Variants in GPHN observed in about 807,000 individuals in gnomAD.
GPHN encodes gephyrin.
GPHN carries 17 observed loss-of-function variants against 95.5 expected under a neutral mutation model. The observed-to-expected ratio is 0.18, with a 90% CI of 0.12 to 0.27. GPHN has a LOEUF of 0.27. GPHN is among the 10% of genes least tolerant of loss of function. The pLI, the probability that GPHN is intolerant of heterozygous loss-of-function variation, is 1.00. For synonymous variants in GPHN, 320 were observed against 322.5 expected (o/e 0.99, Z 0.08); for missense variants, 660 against 978.1 (o/e 0.67, Z 4.34).
intron 18 of GPHN, 60 bp downstream of exon 18, chr14:67,143,509 T>C (rs2080627343): frequency 1.7e-5 from 18 of 1,051,486 alleles, no homozygotes; most frequent in Non-Finnish European, 2.4e-5. Context: ...TATGGTCGAT[T>C]AACTGTGGTC....
the GPHN span, among the ~76,000 whole-genome samples, chr14:67,460,474 G>C: frequency 6.6e-6 from 1 of 152,162 alleles, no homozygotes; most frequent in African/African-American, 2.4e-5. Flanking sequence ...GGAGACCGAG[G>C]CAGGTGAATC....
At chr14:66,652,714 GGTGGGGCAATT>G (rs1365228849) in intron 1 of GPHN, among the ~76,000 whole-genome samples, 1 of 152,070 alleles carries the variant, frequency 6.6e-6, no homozygotes, top group Non-Finnish European at 1.5e-5. Context: ...AAAGCAATTC[GGTGGGGCAATT>G]GTGGTCATGC....
chr14:66,928,110 G>A (rs2066581870), intron 8 of GPHN, among the ~76,000 whole-genome samples: 1 of 152,154 alleles, frequency 6.6e-6, no homozygotes, highest in Non-Finnish European at 1.5e-5. Context: ...GAGTAGGATT[G>A]GTATCGGTTC....
chr14:66,884,817 T>G (rs1384218129), intron 5 of GPHN, among the ~76,000 whole-genome samples: 1 of 136,650 alleles, frequency 7.3e-6, no homozygotes, highest in African/African-American at 2.9e-5. Context: ...TATGTGTGTG[T>G]GTATATATAT....
intron 1 of GPHN, among the ~76,000 whole-genome samples, chr14:66,643,656 A>G (rs1217631405): frequency 6.6e-6 from 1 of 151,998 alleles, no homozygotes; most frequent in Non-Finnish European, 1.5e-5. Context: ...TCATTTTTAT[A>G]AAGTTCAGAA....
the GPHN span, among the ~76,000 whole-genome samples, chr14:67,398,275 A>G: frequency 1.3e-5 from 2 of 152,198 alleles, no homozygotes; most frequent in African/African-American, 4.8e-5. Flanking sequence ...GACAGGCTGG[A>G]GTACAGTGGC....
chr14:66,929,946 C>T (rs1209737876), intron 8 of GPHN, among the ~76,000 whole-genome samples: 2 of 152,224 alleles, frequency 1.3e-5, no homozygotes, highest in South Asian at 4.1e-4. Flanking sequence ...CTCCTGACCA[C>T]ATGATCCGCC....
At chr14:66,544,294 C>T (rs1401485457) in intron 1 of GPHN, among the ~76,000 whole-genome samples, 1 of 152,214 alleles carries the variant, frequency 6.6e-6, no homozygotes, top group African/African-American at 2.4e-5. Flanking sequence ...GCCTCTTCTC[C>T]TTTTCACATA....
At chr14:66,760,294 A>G (rs542996986) in intron 2 of GPHN, among the ~76,000 whole-genome samples, 1 of 152,350 alleles carries the variant, frequency 6.6e-6, no homozygotes, top group East Asian at 1.9e-4. Context: ...ATAAAATTTT[A>G]GTAGTGTATC....
chr14:66,905,992 C>CTT (rs201011247), intron 5 of GPHN, among the ~76,000 whole-genome samples: 4 of 134,452 alleles, frequency 3.0e-5, no homozygotes, highest in Admixed American at 7.5e-5. Context: ...TGATTCGAGG[C>CTT]TTTTTTTTTT....
At chr14:66,992,577 G>T (rs926925610) in intron 9 of GPHN, among the ~76,000 whole-genome samples, 2 of 152,128 alleles carry the variant, frequency 1.3e-5, no homozygotes, top group African/African-American at 2.4e-5. Context: ...TGATTTTATA[G>T]ATCTTTAAAG....
intron 18 of GPHN, among the ~76,000 whole-genome samples, chr14:67,154,818 C>T (rs1369863533): frequency 6.6e-6 from 1 of 151,942 alleles, no homozygotes; most frequent in African/African-American, 2.4e-5. Context: ...CCAATTCTCC[C>T]ACCAAGAACA....
the GPHN span, among the ~76,000 whole-genome samples, chr14:67,424,925 C>G: frequency 6.6e-6 from 1 of 152,346 alleles, no homozygotes; most frequent in East Asian, 1.9e-4. Flanking sequence ...CTCCCCAAGG[C>G]TGGTCCCTGG....
intron 10 of GPHN, among the ~76,000 whole-genome samples, chr14:67,039,611 T>C (rs753368669): frequency 2.6e-5 from 4 of 152,088 alleles, no homozygotes; most frequent in Non-Finnish European, 5.9e-5. Context: ...CTGGGCAATA[T>C]AGTGAGATCT....
At chr14:66,785,147 C>T (rs2153465988) in intron 3 of GPHN, among the ~76,000 whole-genome samples, 1 of 152,246 alleles carries the variant, frequency 6.6e-6, no homozygotes, top group African/African-American at 2.4e-5. Flanking sequence ...GCGGGTGGAT[C>T]ACCTGAGGTC....
At chr14:67,066,766 T>A (rs1420100020) in intron 11 of GPHN, among the ~76,000 whole-genome samples, 1 of 152,220 alleles carries the variant, frequency 6.6e-6, no homozygotes, top group Non-Finnish European at 1.5e-5. Flanking sequence ...CGTGCCTTGG[T>A]TTTCAGCTAC....
chr14:67,076,310 A>G (rs1341252667), intron 11 of GPHN, among the ~76,000 whole-genome samples: 1 of 152,232 alleles, frequency 6.6e-6, no homozygotes, highest in Non-Finnish European at 1.5e-5. Context: ...TTCACACTTA[A>G]TAGACTACAG....
At chr14:67,025,528 T>G (rs2073880313) in intron 10 of GPHN, among the ~76,000 whole-genome samples, 1 of 152,168 alleles carries the variant, frequency 6.6e-6, no homozygotes, top group South Asian at 2.1e-4. Flanking sequence ...ATGAACAAAA[T>G]TGTTTATTTA....
chr14:66,611,616 A>G (rs1179174952), intron 1 of GPHN, among the ~76,000 whole-genome samples: 2 of 152,172 alleles, frequency 1.3e-5, no homozygotes, highest in African/African-American at 2.4e-5. Flanking sequence ...GGAAATTGGT[A>G]TCAGACCTCA....
Sources: allele counts gnomAD v4.1 joint callset (sites outside exome capture counted in the v4.1 genomes callset), GRCh38; gene constraint gnomAD v4.1.1; transcripts MANE v1.5; gene names NCBI Gene and HGNC (gene_info 2026-07-23, HGNC 2026-07-21).